NGEF: variants seen among roughly 807,000 people sequenced by gnomAD.
NGEF encodes the protein neuronal guanine nucleotide exchange factor, also known as ephexin-1.
In NGEF, 31 loss-of-function variants were observed where a neutral mutation model predicts 80.9. The observed-to-expected ratio is 0.38, with a 90% CI of 0.29 to 0.52. NGEF has a LOEUF of 0.52. Ranked by LOEUF, NGEF falls within the 20% of genes least tolerant of loss-of-function variation. The pLI is 0.84. For synonymous variants in NGEF, 371 were observed against 370.2 expected (o/e 1.00, Z -0.03); for missense variants, 709 against 926.2 (o/e 0.77, Z 3.04).
At chr2:232,925,221 A>G (rs1203588107) in intron 4 of NGEF, among the ~76,000 whole-genome samples, 3 of 152,200 alleles carry the variant, frequency 2.0e-5, no homozygotes, top group African/African-American at 7.2e-5. Flanking sequence ...GGAAGCTGCC[A>G]TCCTTTCCTA....
intron 3 of NGEF, among the ~76,000 whole-genome samples, chr2:232,928,621 C>A (rs989774456): frequency 1.3e-5 from 2 of 152,120 alleles, no homozygotes; most frequent in African/African-American, 4.8e-5. Flanking sequence ...CTGCTCCAGG[C>A]GGAGACTGGG....
intron 3 of NGEF, among the ~76,000 whole-genome samples, chr2:232,955,296 G>A (rs1693798772): frequency 6.6e-6 from 1 of 152,150 alleles, no homozygotes; most frequent in Admixed American, 6.5e-5. Flanking sequence ...TCTAGACCAA[G>A]ACTAGCTCCT....
intron 5 of NGEF, among the ~76,000 whole-genome samples, chr2:232,908,582 T>G (rs2106264207): frequency 6.6e-6 from 1 of 152,238 alleles, no homozygotes; most frequent in South Asian, 2.1e-4. Flanking sequence ...TTTATTTATT[T>G]TTGCGGAGAT....
At chr2:232,977,513 G>T (rs899274560) in intron 1 of NGEF, among the ~76,000 whole-genome samples, 1 of 152,200 alleles carries the variant, frequency 6.6e-6, no homozygotes, top group Non-Finnish European at 1.5e-5. Context: ...CGCTGGCATT[G>T]CCTTCTCTCT....
At chr2:232,983,097 T>C (rs1694470713) in intron 1 of NGEF, among the ~76,000 whole-genome samples, 1 of 152,070 alleles carries the variant, frequency 6.6e-6, no homozygotes, top group Non-Finnish European at 1.5e-5. Flanking sequence ...ACTGGGGCAT[T>C]TTGGTGTTCT....
chr2:232,944,669 G>A (rs1693513427), intron 3 of NGEF, among the ~76,000 whole-genome samples: 1 of 148,970 alleles, frequency 6.7e-6, no homozygotes. Flanking sequence ...AAGAAAAAAA[G>A]AGAAATTAAT....
intron 8 of NGEF, chr2:232,890,837 C>T: frequency 2.2e-6 from 1 of 462,206 alleles, no homozygotes; most frequent in Non-Finnish European, 4.5e-6. Flanking sequence ...GGACAGGACC[C>T]AATGTCTTCC....
At chr2:232,975,697 G>A (rs139253831) in intron 1 of NGEF, among the ~76,000 whole-genome samples, 91 of 152,244 alleles carry the variant, frequency 6.0e-4, no homozygotes, top group African/African-American at 2.0e-3. Context: ...TGCTCAGGGC[G>A]AGAGACTATG....
At chr2:232,904,209 A>G (rs1400946491) in intron 5 of NGEF, among the ~76,000 whole-genome samples, 2 of 152,102 alleles carry the variant, frequency 1.3e-5, no homozygotes, top group Non-Finnish European at 2.9e-5. Flanking sequence ...GGCTGTGCAT[A>G]TATGAGTGTG....
At chr2:232,939,985 G>A (rs1391236692) in intron 3 of NGEF, among the ~76,000 whole-genome samples, 1 of 148,532 alleles carries the variant, frequency 6.7e-6, no homozygotes, top group African/African-American at 2.5e-5. Flanking sequence ...CGACAGAGTG[G>A]GACTCCATCT....
chr2:232,969,675 A>G (rs984914254), intron 3 of NGEF, among the ~76,000 whole-genome samples: 2 of 151,208 alleles, frequency 1.3e-5, no homozygotes, highest in African/African-American at 4.9e-5. Context: ...CACCTGGCTA[A>G]TTTGTTTTTT....
intron 5 of NGEF, among the ~76,000 whole-genome samples, chr2:232,907,874 C>T (rs1033447698): frequency 5.9e-5 from 9 of 152,018 alleles, no homozygotes; most frequent in African/African-American, 1.9e-4. Context: ...TTTGGGAGGC[C>T]GAGGCAGGGA....
At chr2:232,883,722 T>C (rs1691588011) in intron 11 of NGEF, among the ~76,000 whole-genome samples, 1 of 152,196 alleles carries the variant, frequency 6.6e-6, no homozygotes, top group Non-Finnish European at 1.5e-5. Flanking sequence ...GCACTCGCTA[T>C]GTATCAGACA....
intron 3 of NGEF, among the ~76,000 whole-genome samples, chr2:232,958,427 A>C (rs1693876982): frequency 6.6e-6 from 1 of 152,150 alleles, no homozygotes; most frequent in Non-Finnish European, 1.5e-5. Flanking sequence ...TCAGTGGTTG[A>C]GCTCCTAGAT....
At chr2:232,979,278 G>T (rs986644972) in intron 1 of NGEF, among the ~76,000 whole-genome samples, 5 of 151,982 alleles carry the variant, frequency 3.3e-5, no homozygotes, top group Middle Eastern at 3.4e-3. Flanking sequence ...GAGTCAGGGG[G>T]ATTGTCCTCC....
At chr2:232,960,561 A>G (rs6742422) in intron 3 of NGEF, among the ~76,000 whole-genome samples, 30,015 of 152,124 alleles carry the variant, frequency 0.2, 3,494 homozygotes, top group East Asian at 0.38. Context: ...GTAGCTGTGC[A>G]GCCTTAAGGC....
chr2:232,982,470 G>A (rs1356232136), intron 1 of NGEF, among the ~76,000 whole-genome samples: 1 of 152,182 alleles, frequency 6.6e-6, no homozygotes, highest in Non-Finnish European at 1.5e-5. Context: ...CCTGGTCCTT[G>A]AATTGGTACG....
chr2:232,891,553 C>T, intron 7 of NGEF, 66 bp from the exon 8 acceptor site: 1 of 1,523,512 alleles, frequency 6.6e-7, no homozygotes, highest in Non-Finnish European at 8.8e-7. Flanking sequence ...GACTCCTCCT[C>T]CCCATCCACA....
chr2:232,938,091 A>G (rs1574623841), intron 3 of NGEF, among the ~76,000 whole-genome samples: 2 of 152,282 alleles, frequency 1.3e-5, no homozygotes, highest in Admixed American at 1.3e-4. Context: ...ATGAGTTTCA[A>G]TGGTCATGGG....
Sources: allele counts gnomAD v4.1 joint callset (sites outside exome capture counted in the v4.1 genomes callset), GRCh38; gene constraint gnomAD v4.1.1; transcripts MANE v1.5; gene names NCBI Gene and HGNC (gene_info 2026-07-23, HGNC 2026-07-21).